Variants in GNPTG observed in about 807,000 individuals in gnomAD.
The protein encoded by GNPTG is N-acetylglucosamine-1-phosphate transferase subunit gamma.
GNPTG carries 46 observed loss-of-function variants against 43.8 expected under a neutral mutation model. The ratio of observed to expected loss-of-function variants is 1.05; its 90% CI spans 0.83 to 1.34. GNPTG has a LOEUF of 1.34. GNPTG is among the 40% of genes most tolerant of loss of function. The pLI, the probability that GNPTG is intolerant of heterozygous loss-of-function variation, is 0.00. For synonymous variants in GNPTG, 250 were observed against 172.8 expected (o/e 1.45, Z -3.50); for missense variants, 549 against 411.3 (o/e 1.33, Z -2.90).
rs375386449 is a variant in GNPTG at position 1,362,146 on chromosome 16, G to T, written c.411+15G>T. 3 of 1,612,264 alleles carry T rather than the reference G, an allele frequency of 1.9e-6. No individual in the cohort carries two copies. Among genetic ancestry groups the T allele is most frequent in the East Asian group, 4.5e-5 (2 of 44,786 alleles). ...GGCAGAGCAAGGTGGGGCCTCAGAC[G>T]GGAGCCCGGGAAGAGGGGCCCCAGT... On this transcript the variant is annotated intron_variant, in intron 6 of 10. Coordinates refer to ENST00000204679, the MANE Select transcript of GNPTG (RefSeq NM_032520.5).
chr16:1,362,773 A>G, intron 9 of GNPTG, 31 bp downstream of exon 9: 1 of 1,614,140 alleles, frequency 6.2e-7, no homozygotes, highest in Non-Finnish European at 8.5e-7. Context: ...GGTGGCACGC[A>G]GTAGCCCTCC....
intron 3 of GNPTG, among the ~76,000 whole-genome samples, chr16:1,357,486 A>ATTATTG (rs2034799085): frequency 7.1e-6 from 1 of 141,556 alleles, no homozygotes; most frequent in African/African-American, 2.7e-5. Flanking sequence ...TTTCGACTTT[A>ATTATTG]TTATTATTAT....
At position 1,363,159 on chromosome 16, in the gene GNPTG, G is replaced by A. The variant is rs60000415; in HGVS notation, c.*68G>A. The A allele has an allele frequency of 3.0e-5, 41 of 1,353,512 alleles. No individual in the cohort carries two copies. The highest frequency in any genetic ancestry group is 1.9e-4 in the Middle Eastern group (1 of 5,262). The allele number at this position is 1,353,512 out of a possible 1,614,324, so 83.8% of individuals were successfully genotyped here. On this transcript the variant is annotated 3_prime_UTR_variant, in exon 11 of 11. Transcript: ENST00000204679. ...ACAGAGAAGCTGGCTGGTAGGACCC[G>A]CAGGGACCAGCTGACCAGGCTTGTG... is the stretch of plus-strand genomic sequence containing the variant.
At chr16:1,357,530 C>T (rs577239208) in intron 3 of GNPTG, among the ~76,000 whole-genome samples, 22 of 149,988 alleles carry the variant, frequency 1.5e-4, no homozygotes, top group Non-Finnish European at 2.7e-4. Flanking sequence ...GTCGCTGTGT[C>T]GCCCAGGCTG....
chr16:1,354,896 G>T (rs1266715517), intron 3 of GNPTG, among the ~76,000 whole-genome samples: 1 of 152,010 alleles, frequency 6.6e-6, no homozygotes, highest in Non-Finnish European at 1.5e-5. Flanking sequence ...ATACTCCCCC[G>T]CGTCTGTAGG....
In GNPTG at chr16:1,361,791, A is replaced by G; in HGVS notation, c.227A>G (p.Glu76Gly). ...TCGGGCAAGTGCTTCAGCCTGGTGG[A>G]GTCCACGTGAGTGCAGGGTGGGTGC... is the stretch of plus-strand genomic sequence containing the variant. ...RLSGKCFSLVESTYKYEFCPF... is the reference protein window; with the variant it reads ...RLSGKCFSLVGSTYKYEFCPF... Residue 76 changes from glutamate (E) to glycine (G), a missense_variant, in exon 4 of 11, where the codon GAG becomes GGG. Transcript: ENST00000204679. The G allele has an allele frequency of 6.3e-7, 1 of 1,591,640 alleles. No homozygotes were observed. Among genetic ancestry groups the G allele is most frequent in the Non-Finnish European group, 8.6e-7 (1 of 1,161,156 alleles).
Position 1,361,643 on chromosome 16 carries a change from C to CA in GNPTG, c.179-91dup, listed in dbSNP as rs1211061813. 1,653 of 1,272,012 alleles carry CA rather than the reference C, an allele frequency of 1.3e-3. 4 individuals are homozygous for CA. The highest frequency in any genetic ancestry group is 2.8e-3 in the South Asian group (224 of 79,652). 78.8% of individuals were successfully genotyped at this position (1,272,012 alleles called of 1,614,324 possible). On this transcript the variant is annotated intron_variant, in intron 3 of 10. Coordinates refer to ENST00000204679, the MANE Select transcript of GNPTG (RefSeq NM_032520.5). ...TGGGTGACAGAGTGAGACTCCATCTCAAAAAAAAAGAAAACTGGTCCTTTG... is the reference window on the plus strand; with the variant it reads ...TGGGTGACAGAGTGAGACTCCATCTCAAAAAAAAAAGAAAACTGGTCCTTTG...
chr16:1,361,966 C>T lies in GNPTG; in HGVS notation c.317+11C>T, dbSNP rs1286630638. On this transcript the variant is annotated intron_variant, in intron 5 of 10. Coordinates refer to ENST00000204679, the MANE Select transcript of GNPTG (RefSeq NM_032520.5). ...CAGTGGGATCCTCGGGTGAGTGGGG[C>T]CGGGGCAGGGATCCCAAAGCAGCAG... is the stretch of plus-strand genomic sequence containing the variant. 11 of 1,613,410 alleles carry T rather than the reference C, an allele frequency of 6.8e-6. No homozygotes were observed. In the South Asian group the frequency reaches 1.1e-4, roughly 16 times the overall value.
At position 1,354,967 on chromosome 16, in the gene GNPTG, G is replaced by A. The variant is rs552306471; in HGVS notation, c.178+2661G>A. On this transcript the variant is annotated intron_variant, in intron 3 of 10. Coordinates refer to ENST00000204679, the MANE Select transcript of GNPTG (RefSeq NM_032520.5). The stretch of plus-strand genomic sequence containing the variant: ...GGGCCGGGCGTGGAAAGTCCCCCGC[G>A]TCTGTGGGGTGGGGCCTGGATACTC... Among the ~76,000 whole-genome samples, 225 of 151,858 alleles carry A rather than the reference G, an allele frequency of 1.5e-3. 2 individuals carry two copies. The highest frequency in any genetic ancestry group is 2.3e-3 in the Admixed American group (35 of 15,244).
At chr16:1,360,198 ATTGACCCT>A (rs1317453333) in intron 3 of GNPTG, among the ~76,000 whole-genome samples, 1 of 152,154 alleles carries the variant, frequency 6.6e-6, no homozygotes, top group Non-Finnish European at 1.5e-5. Flanking sequence ...GTCTTGGCAC[ATTGACCCT>A]TTTATCAATG....
chr16:1,360,109 A>C (rs949449406), intron 3 of GNPTG, among the ~76,000 whole-genome samples: 2 of 151,946 alleles, frequency 1.3e-5, no homozygotes, highest in Non-Finnish European at 2.9e-5. Context: ...TCCGTCTCAA[A>C]AAAAAAAAAG....
In GNPTG at chr16:1,363,264, A is replaced by G. The variant is rs2034977508; in HGVS notation, c.*173A>G. 1 of 670,952 alleles carries G rather than the reference A, an allele frequency of 1.5e-6. No individual in the cohort carries two copies. Among genetic ancestry groups the G allele is most frequent in the African/African-American group, 1.8e-5 (1 of 55,894 alleles). The allele number at this position is 670,952 out of a possible 1,614,324, so 41.6% of individuals were successfully genotyped here. ...TAAAAATAACTCCATGAATTCTGTA[A>G]ACCATTGCATAAATGCTATAGTGTA... On this transcript the variant is annotated 3_prime_UTR_variant, in exon 11 of 11. Transcript: ENST00000204679.
intron 3 of GNPTG, among the ~76,000 whole-genome samples, chr16:1,356,912 A>T (rs1172796873): frequency 9.8e-5 from 1 of 10,248 alleles, no homozygotes; most frequent in Non-Finnish European, 2.4e-4. Context: ...TGCGGGCGAG[A>T]GTGTGCGGGC....
At position 1,361,797 on chromosome 16, in the gene GNPTG, CGTGAGTGCAGG is replaced by C. The variant is rs2034885985; in HGVS notation, c.233+4_233+14del. Reference sequence around the variant, plus strand: ...AAGTGCTTCAGCCTGGTGGAGTCCACGTGAGTGCAGGGTGGGTGCGAGGGTGGGCTGGGGCG... The same window carrying C: ...AAGTGCTTCAGCCTGGTGGAGTCCACGTGGGTGCGAGGGTGGGCTGGGGCG... On this transcript the variant is annotated splice_donor_variant and splice_donor_5th_base_variant and intron_variant, in intron 4 of 10. Transcript: ENST00000204679. LOFTEE classifies it high-confidence loss of function. The C allele has an allele frequency of 6.3e-7, 1 of 1,583,518 alleles. No homozygotes were observed. Among genetic ancestry groups the C allele is most frequent in the Non-Finnish European group, 8.7e-7 (1 of 1,156,062 alleles).
intron 3 of GNPTG, among the ~76,000 whole-genome samples, chr16:1,357,060 C>G (rs1279568064): frequency 2.0e-5 from 3 of 152,192 alleles, no homozygotes; most frequent in Non-Finnish European, 2.9e-5. Context: ...GCCCTAGGGC[C>G]AGACTGGAGG....
chr16:1,354,017 T>C (rs554567542), intron 3 of GNPTG, among the ~76,000 whole-genome samples: 11 of 152,234 alleles, frequency 7.2e-5, no homozygotes, highest in African/African-American at 2.6e-4. Flanking sequence ...TTGGTGGACT[T>C]TGACTCCAAA....
At position 1,362,025 on chromosome 16, in the gene GNPTG, C is replaced by G. The variant is rs779191841; in HGVS notation, c.318-13C>G. On this transcript the variant is annotated splice_polypyrimidine_tract_variant and intron_variant, in intron 5 of 10. Transcript: ENST00000204679. ...CCCACCCGGCCTCACGTGCCGTGCC[C>G]GTGTCTCCCCAGCATCTGGCACGAG... The G allele has an allele frequency of 2.5e-5, 41 of 1,612,644 alleles. No individual in the cohort carries two copies. Among genetic ancestry groups the G allele is most frequent in the Non-Finnish European group, 3.5e-5 (41 of 1,179,720 alleles).
Position 1,361,875 on chromosome 16 carries a change from C to T in GNPTG, c.237C>T (p.Tyr79=). ...GKCFSLVEST[Y]KYEFCPFHNV... is the part of the protein sequence containing the mutation. ...CTCATGCCATCTGTGTCCCCAGGTA[C>T]AAGTATGAGTTCTGCCCGTTCCACA... The change falls in exon 5 of 11, where the codon TAC becomes TAT. Residue 79 remains tyrosine (Y), a synonymous_variant. Transcript: ENST00000204679. 6.2e-7 allele frequency: 1 copy of T among 1,613,926 alleles called. No homozygotes were observed. Among genetic ancestry groups the T allele is most frequent in the Non-Finnish European group, 8.5e-7 (1 of 1,180,030 alleles).
chr16:1,352,962 C>T (rs1195662041), intron 3 of GNPTG, among the ~76,000 whole-genome samples: 2 of 125,958 alleles, frequency 1.6e-5, no homozygotes, highest in African/African-American at 6.2e-5. Flanking sequence ...GACAAAAATC[C>T]AAGAATTTTT....
Sources: gnomAD v4.1 joint callset for allele counts (sites outside exome capture counted in the v4.1 genomes callset) on GRCh38, gnomAD v4.1.1 for gene constraint, MANE v1.5 for transcripts, NCBI Gene and HGNC (gene_info 2026-07-23, HGNC 2026-07-21) for gene names.